Variants in TJP2 observed in about 807,000 individuals in gnomAD.
The protein encoded by TJP2 is Friedreich ataxia region gene X104 (tight junction protein ZO-2).
TJP2 carries 91 observed loss-of-function variants against 133.1 expected under a neutral mutation model. The ratio of observed to expected loss-of-function variants is 0.68; its 90% CI spans 0.58 to 0.81. The LOEUF is 0.81. Ranked by LOEUF, TJP2 falls within the 40% of genes least tolerant of loss-of-function variation. The pLI, the probability that TJP2 is intolerant of heterozygous loss-of-function variation, is 0.00. For missense variants in TJP2, 1,541 were observed against 1,565.6 expected, an observed-to-expected ratio of 0.98 and a Z score of 0.26; for synonymous variants, 592 against 583.4, an observed-to-expected ratio of 1.01 and a Z score of -0.21.
At chr9:69,182,788 CTT>C (rs35602682) in intron 1 of TJP2, among the ~76,000 whole-genome samples, 25 of 129,408 alleles carry the variant, frequency 1.9e-4, no homozygotes, top group Non-Finnish European at 1.3e-4. Context: ...TGATGAATTT[CTT>C]TTTTTTTTTT....
chr9:69,251,246 G>A lies in TJP2; in HGVS notation c.3203G>A (p.Ser1068Asn). Residue 1068 changes from serine (S) to asparagine (N), a missense_variant, in exon 21 of 23, where the codon AGT (serine) becomes AAT (asparagine). Coordinates refer to ENST00000377245, the MANE Select transcript of TJP2 (RefSeq NM_004817.4). Reference protein sequence around the residue: ...PQEGEEVGESSEEQDNAPKSV... With the variant: ...PQEGEEVGESNEEQDNAPKSV... ...GAGGGTGAGGAGGTGGGAGAGAGCAGTGAGGAGCAAGATAATGCTCCCAAA... is the reference window on the plus strand; with the variant it reads ...GAGGGTGAGGAGGTGGGAGAGAGCAATGAGGAGCAAGATAATGCTCCCAAA... The A allele has an allele frequency of 6.2e-7, 1 of 1,614,190 alleles. No individual in the cohort carries two copies. Among genetic ancestry groups the A allele is most frequent in the Non-Finnish European group, 8.5e-7 (1 of 1,180,046 alleles).
At chr9:69,131,096 C>CT (rs1296199106) in intron 1 of TJP2, among the ~76,000 whole-genome samples, 1 of 152,196 alleles carries the variant, frequency 6.6e-6, no homozygotes, top group Non-Finnish European at 1.5e-5. Flanking sequence ...GGGATCATGA[C>CT]TAAGTTCTCT....
chr9:69,188,360 C>T (rs1488926537), intron 1 of TJP2, among the ~76,000 whole-genome samples: 2 of 151,896 alleles, frequency 1.3e-5, no homozygotes, highest in African/African-American at 2.4e-5. Context: ...GGCTCAGAAA[C>T]ATTAAGTAAA....
chr9:69,135,947 T>G (rs1822712371), intron 1 of TJP2, among the ~76,000 whole-genome samples: 1 of 152,104 alleles, frequency 6.6e-6, no homozygotes, highest in African/African-American at 2.4e-5. Context: ...GACTCTTAAT[T>G]AAGAAGTAAA....
intron 1 of TJP2, among the ~76,000 whole-genome samples, chr9:69,147,789 C>CTT (rs1385843761): frequency 2.0e-5 from 3 of 151,864 alleles, no homozygotes; most frequent in Non-Finnish European, 4.4e-5. Context: ...TTGAATGTGC[C>CTT]TTTTTTTTGA....
chr9:69,174,424 T>C lies in TJP2; in HGVS notation c.52T>C (p.Trp18Arg). 6.4e-7 allele frequency: 1 copy of C among 1,551,460 alleles called. No homozygotes were observed. The highest frequency in any genetic ancestry group is 1.2e-5 in the South Asian group (1 of 84,074). Reference protein sequence around the residue: ...GFPPRRELSGWLRAPGMEELI... With the variant: ...GFPPRRELSGRLRAPGMEELI... ...TCCACCCCGGCGGGAGCTGTCAGGT[T>C]GGCTCCGCGTAAGTGCCTCCTTGTG... is the stretch of plus-strand genomic sequence containing the variant. The change falls in exon 1 of 23, where the codon TGG (tryptophan) becomes CGG (arginine). Residue 18 changes from tryptophan (W) to arginine (R), a missense_variant. Coordinates refer to ENST00000377245, the MANE Select transcript of TJP2 (RefSeq NM_004817.4).
At position 69,229,203 on chromosome 9, in the gene TJP2, C is replaced by T. The variant is rs138509345; in HGVS notation, c.1473C>T (p.Ala491=). Residue 491 remains alanine (A), a synonymous_variant, in exon 10 of 23, where the codon GCC becomes GCT. Transcript: ENST00000377245. ...CTACAGCTCCTCAACCAAAAGCAGC[C>T]CCGAGAACTTTTCTTCGTCCTAGTC... The part of the protein sequence containing the change: ...EDPPAPQPKA[A]PRTFLRPSPE... 1 of 1,614,086 alleles carries T rather than the reference C, an allele frequency of 6.2e-7. No homozygotes were observed. Among genetic ancestry groups the T allele is most frequent in the African/African-American group, 1.3e-5 (1 of 75,014 alleles).
At chr9:69,160,047 G>A (rs1374999329) in intron 2 of TJP2, among the ~76,000 whole-genome samples, 1 of 151,804 alleles carries the variant, frequency 6.6e-6, no homozygotes, top group Non-Finnish European at 1.5e-5. Flanking sequence ...GGCAGAACTC[G>A]ATCAAGAAGG....
intron 1 of TJP2, among the ~76,000 whole-genome samples, chr9:69,183,076 C>T (rs555706537): frequency 7.2e-5 from 11 of 152,020 alleles, no homozygotes; most frequent in Non-Finnish European, 1.5e-4. Context: ...GAATTACAGG[C>T]GTGAGCCATT....
intron 4 of TJP2, among the ~76,000 whole-genome samples, chr9:69,219,363 C>A (rs1267146985): frequency 6.6e-6 from 1 of 152,154 alleles, no homozygotes; most frequent in African/African-American, 2.4e-5. Flanking sequence ...CATTTATCTT[C>A]TAAAATATTA....
chr9:69,175,017 AC>A (rs1824975248), intron 1 of TJP2, among the ~76,000 whole-genome samples: 2 of 151,312 alleles, frequency 1.3e-5, no homozygotes, highest in Admixed American at 6.6e-5. Context: ...CCTACCTGTC[AC>A]CAGTTCTTTT....
rs940956910 is a variant in TJP2, at chr9:69,216,692, G to A, written c.239+229G>A. Among the ~76,000 whole-genome samples, 8 of 152,324 alleles carry A rather than the reference G, an allele frequency of 5.3e-5. No homozygotes were observed. The South Asian group carries it at 8.3e-4, about 16-fold the overall frequency. On this transcript the variant is annotated intron_variant, in intron 3 of 22. Transcript: ENST00000377245. ...TGGAGCGAGGAGGGCAGTTGTTTCC[G>A]TAAGAAGATAGTTCCAAACATCCCT...
At chr9:69,233,504 G>T (rs993478111) in intron 11 of TJP2, among the ~76,000 whole-genome samples, 2 of 152,184 alleles carry the variant, frequency 1.3e-5, no homozygotes, top group Non-Finnish European at 2.9e-5. Context: ...CAGGCGTGGT[G>T]GCTCACGCAT....
chr9:69,135,626 A>C (rs1283333602), intron 1 of TJP2, among the ~76,000 whole-genome samples: 1 of 148,092 alleles, frequency 6.8e-6, no homozygotes, highest in Non-Finnish European at 1.5e-5. Flanking sequence ...TTTTCTTTTG[A>C]GACGGAGTTT....
At position 69,143,497 on chromosome 9, in the gene TJP2, CAG is replaced by C. The variant is rs78839229; in HGVS notation, c.-130-8151_-130-8150del. On this transcript the variant is annotated intron_variant, in intron 1 of 5. Transcript: ENST00000423935. ...ATGAGGGCTGTATGGGACCTTTACT[CAG>C]AGGTGGCAGCTGTAGCCAACCAAGT... Among the ~76,000 whole-genome samples the C allele has an allele frequency of 1.6e-3, 246 of 152,276 alleles. 4 individuals carry two copies. The East Asian group carries it at 0.043, about 27-fold the overall frequency.
chr9:69,248,711 C>T (rs998929141), intron 19 of TJP2: 12 of 1,001,334 alleles, frequency 1.2e-5, no homozygotes, highest in Non-Finnish European at 1.3e-5. Context: ...AGTTCATGAT[C>T]AAACCTTCAT....
At chr9:69,175,103 G>A (rs991990796) in intron 1 of TJP2, among the ~76,000 whole-genome samples, 2 of 152,108 alleles carry the variant, frequency 1.3e-5, no homozygotes, top group Admixed American at 1.3e-4. Context: ...TCTACCACAG[G>A]GTTTTAACAT....
chr9:69,254,503 G>C lies in TJP2; in HGVS notation c.*129G>C, dbSNP rs750276727. Reference sequence around the variant, plus strand: ...GACGTGGTGGGACTCCAGCTCGTGTGTCCTCATGGAGAACCCAGGGGACAG... The same window carrying C: ...GACGTGGTGGGACTCCAGCTCGTGTCTCCTCATGGAGAACCCAGGGGACAG... On this transcript the variant is annotated 3_prime_UTR_variant, in exon 23 of 23. Coordinates refer to ENST00000377245, the MANE Select transcript of TJP2 (RefSeq NM_004817.4). 1.6e-6 allele frequency: 2 copies of C among 1,235,370 alleles called. No individual in the cohort carries two copies. The highest frequency in any genetic ancestry group is 1.3e-5 in the South Asian group (1 of 79,594). The allele number at this position is 1,235,370 out of a possible 1,614,324, so 76.5% of individuals were successfully genotyped here. A position where few individuals can be genotyped will look rare whatever the true frequency, so the allele number is the denominator to read the frequency against.
intron 1 of TJP2, chr9:69,204,657 T>C (rs1286011677): frequency 3.4e-6 from 1 of 293,906 alleles, no homozygotes; most frequent in Non-Finnish European, 5.1e-6. Context: ...GTAAAACATT[T>C]TCTTTTCATG....
Sources: allele counts gnomAD v4.1 joint callset (sites outside exome capture counted in the v4.1 genomes callset), GRCh38; gene constraint gnomAD v4.1.1; transcripts MANE v1.5; gene names NCBI Gene and HGNC (gene_info 2026-07-23, HGNC 2026-07-21).